The following KIAA0586 variants were observed in gnomAD, a reference collection of about 807,000 sequenced individuals.
The protein encoded by KIAA0586 is KIAA0586.
KIAA0586 carries 144 observed loss-of-function variants against 169.8 expected under a neutral mutation model. The observed-to-expected ratio is 0.85, with a 90% CI of 0.74 to 0.97. The LOEUF is 0.97. Ranked by LOEUF, KIAA0586 falls within the 50% of genes least tolerant of loss-of-function variation. The pLI, the probability that KIAA0586 is intolerant of heterozygous loss-of-function variation, is 0.00. For missense variants in KIAA0586, 1,854 were observed against 1,823.0 expected (o/e 1.02, Z -0.31); for synonymous variants, 625 against 612.4 (o/e 1.02, Z -0.30).
intron 29 of KIAA0586, among the ~76,000 whole-genome samples, chr14:58,518,891 A>G (rs758942712): frequency 1.3e-5 from 2 of 152,174 alleles, no homozygotes; most frequent in Non-Finnish European, 1.5e-5. Context: ...CAACACTTTG[A>G]GAGGCCGAGG....
intron 21 of KIAA0586, among the ~76,000 whole-genome samples, chr14:58,484,660 A>G (rs1388298941): frequency 1.3e-5 from 2 of 150,832 alleles, no homozygotes; most frequent in Non-Finnish European, 3.0e-5. Context: ...CTTATATGCT[A>G]TATGTTTATG....
At chr14:58,441,472 A>T (rs2038365697) in intron 4 of KIAA0586, 1 of 241,928 alleles carries the variant, frequency 4.1e-6, no homozygotes. Flanking sequence ...AAGTGCTGGG[A>T]TAACATGTGC....
intron 9 of KIAA0586, among the ~76,000 whole-genome samples, chr14:58,456,034 G>GTT (rs71107952): frequency 6.4e-4 from 97 of 152,128 alleles, no homozygotes; most frequent in Admixed American, 7.9e-4. Context: ...AATTGCCACC[G>GTT]TTTTTTGAAA....
intron 27 of KIAA0586, among the ~76,000 whole-genome samples, chr14:58,501,975 G>C (rs973753185): frequency 3.3e-5 from 5 of 152,158 alleles, no homozygotes; most frequent in African/African-American, 1.2e-4. Flanking sequence ...CTGAAGGCTT[G>C]ACTAGGGTTG....
chr14:58,478,446 G>T (rs971214418), intron 20 of KIAA0586, among the ~76,000 whole-genome samples: 1 of 152,204 alleles, frequency 6.6e-6, no homozygotes, highest in Admixed American at 6.5e-5. Flanking sequence ...TCACGTCACT[G>T]CACTCCAGCC....
the KIAA0586 span, among the ~76,000 whole-genome samples, chr14:58,561,892 C>T: frequency 1.3e-5 from 2 of 152,130 alleles, no homozygotes; most frequent in Non-Finnish European, 1.5e-5. Flanking sequence ...ATTTCGTACA[C>T]AAGAAATCTT....
chr14:58,499,618 GCA>G (rs1036444288), intron 27 of KIAA0586, among the ~76,000 whole-genome samples: 6 of 147,198 alleles, frequency 4.1e-5, no homozygotes, highest in African/African-American at 1.5e-4. Context: ...GAATGCAATG[GCA>G]CAATCTCGGC....
chr14:58,501,697 C>T (rs2043585256), intron 27 of KIAA0586, among the ~76,000 whole-genome samples: 1 of 152,196 alleles, frequency 6.6e-6, no homozygotes, highest in Non-Finnish European at 1.5e-5. Context: ...AGAGTTTAGG[C>T]TTTGAGAGTT....
At chr14:58,536,897 CTCAT>C (rs1295743178) in intron 29 of KIAA0586, 2 of 338,184 alleles carry the variant, frequency 5.9e-6, no homozygotes, top group African/African-American at 4.4e-5. Flanking sequence ...GTCAGCATTG[CTCAT>C]TCAAAATTTC....
intron 5 of KIAA0586, 97 bp downstream of exon 5, chr14:58,442,977 T>C: frequency 1.1e-6 from 1 of 871,080 alleles, no homozygotes; most frequent in Non-Finnish European, 1.7e-6. Context: ...AGTTATAGAC[T>C]AGGAACATTG....
In KIAA0586 at chr14:58,487,066, A is replaced by C; in HGVS notation, c.3204A>C (p.Ser1068=). The C allele has an allele frequency of 6.2e-7, 1 of 1,613,366 alleles. No homozygotes were observed. Among genetic ancestry groups the C allele is most frequent in the African/African-American group, 1.3e-5 (1 of 74,986 alleles). ...CTACGCCTCCTTGCTCACCTTCATC[A>C]CCTGCTAAGGAGTGTGTTTTGGTAA... is the stretch of plus-strand genomic sequence containing the variant. The part of the protein sequence containing the change: ...PQPTPPCSPS[S]PAKECVLVKT... Residue 1068 remains serine (S), a synonymous_variant, in exon 22 of 31, where the codon TCA becomes TCC. Coordinates refer to ENST00000652326, the MANE Select transcript of KIAA0586 (RefSeq NM_001329943.3).
intron 30 of KIAA0586, among the ~76,000 whole-genome samples, chr14:58,547,126 C>G (rs1355005245): frequency 6.7e-6 from 1 of 150,088 alleles, no homozygotes; most frequent in East Asian, 1.9e-4. Flanking sequence ...CTTCAAATGC[C>G]TTTTACATGG....
intron 27 of KIAA0586, among the ~76,000 whole-genome samples, chr14:58,502,229 G>C (rs142231806): frequency 1.3e-5 from 2 of 151,994 alleles, no homozygotes; most frequent in Non-Finnish European, 2.9e-5. Context: ...TCTGCCTCCT[G>C]GGTTCAAGTG....
rs2042590279 is a variant in KIAA0586, at chr14:58,488,037, G to A, written c.3455G>A (p.Trp1152Ter). The A allele has an allele frequency of 1.2e-6, 2 of 1,610,798 alleles. No individual in the cohort carries two copies. Among genetic ancestry groups the A allele is most frequent in the African/African-American group, 2.7e-5 (2 of 74,892 alleles). Residue 1152 changes from tryptophan to a stop codon, truncating the protein, a stop_gained, in exon 23 of 31, where the codon TGG (tryptophan) becomes TAG (stop). Coordinates refer to ENST00000652326, the MANE Select transcript of KIAA0586 (RefSeq NM_001329943.3). LOFTEE classifies it high-confidence loss of function. ...KVSSPELPKP[W>*]GDGDLPLEEE... ...TCAAGCCCAGAGCTTCCCAAGCCAT[G>A]GGGTGATGGAGACCTGCCACTGGAA...
In KIAA0586 at chr14:58,487,872, A is replaced by AG. The variant is rs751195818; in HGVS notation, c.3305-15_3305-14insG. On this transcript the variant is annotated splice_polypyrimidine_tract_variant and intron_variant, in intron 22 of 30. Transcript: ENST00000652326. ...ACTACTATCTTTTTCTGTCCTTTTA[A>AG]AAAAAAACCTTTAGGAGATGATATG... 1.3e-6 allele frequency: 2 copies of AG among 1,596,146 alleles called. 1 individual carries two copies. Among genetic ancestry groups the AG allele is most frequent in the South Asian group, 2.3e-5 (2 of 88,358 alleles).
rs772993695 is a variant in KIAA0586, at chr14:58,472,260, A to G, written c.2615A>G (p.Glu872Gly). The change falls in exon 18 of 31, where the codon GAA becomes GGA. Residue 872 changes from glutamate (E) to glycine (G), a missense_variant. Transcript: ENST00000652326. The part of the protein sequence containing the change: ...EVKFPGTNFD[E>G]IIDVIQEEEK... ...AAGTTTCCAGGAACTAACTTTGATGAAATAATCGATGTCATACAGGTAACA... is the reference window on the plus strand; with the variant it reads ...AAGTTTCCAGGAACTAACTTTGATGGAATAATCGATGTCATACAGGTAACA... 3.2e-6 allele frequency: 5 copies of G among 1,571,638 alleles called. No homozygotes were observed. In the African/African-American group the frequency reaches 6.8e-5, roughly 21 times the overall value.
At chr14:58,483,482 C>T (rs1339516409) in intron 21 of KIAA0586, among the ~76,000 whole-genome samples, 1 of 152,128 alleles carries the variant, frequency 6.6e-6, no homozygotes, top group Non-Finnish European at 1.5e-5. Flanking sequence ...CACACCCCCC[C>T]AGATTTAACA....
intron 15 of KIAA0586, 59 bp from the exon 16 acceptor site, chr14:58,467,676 T>C (rs1234630071): frequency 7.9e-7 from 1 of 1,265,266 alleles, no homozygotes; most frequent in Non-Finnish European, 1.1e-6. Flanking sequence ...AGATGGTATA[T>C]TAGACTTTTC....
At chr14:58,535,910 T>A (rs931640865) in intron 29 of KIAA0586, among the ~76,000 whole-genome samples, 2 of 152,134 alleles carry the variant, frequency 1.3e-5, no homozygotes, top group Non-Finnish European at 2.9e-5. Flanking sequence ...CTTATAGTTT[T>A]ATGCTGTTTT....
Sources: gnomAD v4.1 joint callset for allele counts (sites outside exome capture counted in the v4.1 genomes callset) on GRCh38, gnomAD v4.1.1 for gene constraint, MANE v1.5 for transcripts, NCBI Gene and HGNC (gene_info 2026-07-23, HGNC 2026-07-21) for gene names.